Variants in FUT8 observed in about 807,000 individuals in gnomAD.
FUT8 encodes the protein fucosyltransferase 8.
Under a neutral mutation model 71.3 loss-of-function variants are expected in FUT8, and 29 were observed. That is an observed-to-expected ratio of 0.41 (90% CI 0.30 to 0.55). FUT8 has a LOEUF of 0.55. Ranked by LOEUF, FUT8 falls within the 20% of genes least tolerant of loss-of-function variation. FUT8 has a pLI of 0.34. For synonymous variants in FUT8, 254 were observed against 239.3 expected (o/e 1.06, Z -0.57); for missense variants, 544 against 702.1 (o/e 0.77, Z 2.55).
chr14:65,421,437 T>G (rs571669558), intron 1 of FUT8, among the ~76,000 whole-genome samples: 6 of 152,178 alleles, frequency 3.9e-5, no homozygotes, highest in African/African-American at 1.4e-4. Context: ...TACTTCTGCC[T>G]TTTTTGCTTT....
chr14:65,469,929 G>A (rs1288979557), intron 2 of FUT8, among the ~76,000 whole-genome samples: 1 of 152,204 alleles, frequency 6.6e-6, no homozygotes, highest in Non-Finnish European at 1.5e-5. Flanking sequence ...CTGCGGGACT[G>A]GCAGCCCGGT....
intron 1 of FUT8, among the ~76,000 whole-genome samples, chr14:65,440,749 A>G (rs906416312): frequency 5.3e-5 from 8 of 152,108 alleles, no homozygotes; most frequent in African/African-American, 9.7e-5. Context: ...TGAGACATCT[A>G]TAGTTGGTAT....
intron 9 of FUT8, among the ~76,000 whole-genome samples, chr14:65,730,420 T>TC (rs1895919124): frequency 6.6e-6 from 1 of 152,212 alleles, no homozygotes; most frequent in Non-Finnish European, 1.5e-5. Flanking sequence ...ACGATTGTAA[T>TC]CCCAGCACTT....
chr14:65,718,099 A>G (rs755699241), intron 7 of FUT8, among the ~76,000 whole-genome samples: 5 of 151,580 alleles, frequency 3.3e-5, no homozygotes, highest in Non-Finnish European at 7.4e-5. Context: ...TACTCCTGCC[A>G]TTTTGTTATT....
At chr14:65,448,593 T>G (rs950444391) in intron 1 of FUT8, among the ~76,000 whole-genome samples, 9 of 152,188 alleles carry the variant, frequency 5.9e-5, no homozygotes, top group Admixed American at 2.6e-4. Context: ...GTTAAGGTAG[T>G]GTGCTAGAAA....
the FUT8 span, among the ~76,000 whole-genome samples, chr14:65,375,255 C>T: frequency 6.6e-6 from 1 of 152,042 alleles, no homozygotes; most frequent in Non-Finnish European, 1.5e-5. Context: ...AGTTGCCACA[C>T]GTGGCAAATA....
chr14:65,546,583 G>A (rs78072513), intron 2 of FUT8, among the ~76,000 whole-genome samples: 1 of 151,648 alleles, frequency 6.6e-6, no homozygotes, highest in African/African-American at 2.4e-5. Flanking sequence ...GAAGATGCCT[G>A]GATTGTTCCA....
intron 2 of FUT8, among the ~76,000 whole-genome samples, chr14:65,534,754 A>G (rs550510844): frequency 2.6e-5 from 4 of 151,428 alleles, no homozygotes; most frequent in African/African-American, 7.2e-5. Context: ...TTTCTGTCCA[A>G]TCTGTAATAA....
chr14:65,585,227 C>G (rs1014357602), intron 3 of FUT8, among the ~76,000 whole-genome samples: 3 of 152,042 alleles, frequency 2.0e-5, no homozygotes, highest in African/African-American at 4.8e-5. Context: ...GGGTTTCACT[C>G]TGCTGTCCAG....
the FUT8 span, among the ~76,000 whole-genome samples, chr14:65,369,154 G>A: frequency 6.6e-6 from 1 of 152,196 alleles, no homozygotes; most frequent in Non-Finnish European, 1.5e-5. The surrounding 1 kb of genome is among the most constrained non-coding windows in gnomAD (Gnocchi z 4.6). Flanking sequence ...AACCACATGC[G>A]GCAAGTGGCT....
At chr14:65,586,336 A>G (rs962241948) in intron 3 of FUT8, among the ~76,000 whole-genome samples, 2 of 152,236 alleles carry the variant, frequency 1.3e-5, no homozygotes, top group African/African-American at 4.8e-5. Flanking sequence ...AGAAAATGTG[A>G]TCTAGGAATG....
chr14:65,514,387 G>T (rs1423918457), intron 2 of FUT8, among the ~76,000 whole-genome samples: 1 of 152,200 alleles, frequency 6.6e-6, no homozygotes, highest in Non-Finnish European at 1.5e-5. Flanking sequence ...AGATTGGTTG[G>T]GCAGTGTGTC....
intron 2 of FUT8, chr14:65,457,973 G>A (rs1319505151): frequency 6.6e-6 from 1 of 152,032 alleles, no homozygotes; most frequent in African/African-American, 2.4e-5. Flanking sequence ...ACGAGGTCAG[G>A]AGATCGAGAC....
chr14:65,653,957 C>T (rs10143206), intron 6 of FUT8, among the ~76,000 whole-genome samples: 105,062 of 152,046 alleles, frequency 0.69, 36,568 homozygotes, highest in East Asian at 0.89. Flanking sequence ...AGCAGACTTG[C>T]GTAAAAAAGG....
chr14:65,549,434 T>C (rs1408847606), intron 2 of FUT8, among the ~76,000 whole-genome samples: 1 of 152,134 alleles, frequency 6.6e-6, no homozygotes, highest in South Asian at 2.1e-4. Context: ...CCCAATCTTG[T>C]GGCTGTTTTA....
chr14:65,378,156 G>A, the FUT8 span, among the ~76,000 whole-genome samples: 1 of 152,124 alleles, frequency 6.6e-6, no homozygotes, highest in Non-Finnish European at 1.5e-5. Context: ...GGAGCCAGCT[G>A]TATGAAAGAG....
the FUT8 span, among the ~76,000 whole-genome samples, chr14:65,371,798 C>T: frequency 6.6e-5 from 10 of 152,174 alleles, no homozygotes; most frequent in East Asian, 1.7e-3. Flanking sequence ...TCCGAAGAGC[C>T]CTAGTGAACA....
rs1483006168 is a variant in FUT8 at position 65,617,237 on chromosome 14, A to AT, written c.482+868dup. The AT allele has an allele frequency of 2.0e-6, 3 of 1,465,878 alleles. No individual in the cohort carries two copies. In the African/African-American group the frequency reaches 4.4e-5, roughly 21 times the overall value. 90.8% of individuals were successfully genotyped at this position (1,465,878 alleles called of 1,614,324 possible). A position where few individuals can be genotyped will look rare whatever the true frequency, so the allele number is the denominator to read the frequency against. ...TAACATCAGCAGCAATATTATAATGATTTTGAAAAATTGCTTGGTTGTTTT... is the reference window on the plus strand; with the variant it reads ...TAACATCAGCAGCAATATTATAATGATTTTTGAAAAATTGCTTGGTTGTTTT... On this transcript the variant is annotated intron_variant, in intron 5 of 10. Coordinates refer to ENST00000673929, the MANE Select transcript of FUT8 (RefSeq NM_001371533.1).
intron 7 of FUT8, among the ~76,000 whole-genome samples, chr14:65,692,132 G>A (rs1019778538): frequency 2.6e-5 from 4 of 152,068 alleles, no homozygotes; most frequent in Non-Finnish European, 4.4e-5. Context: ...CTCCCAGACC[G>A]GGTGGTGGCC....
Sources: allele counts gnomAD v4.1 joint callset (sites outside exome capture counted in the v4.1 genomes callset), GRCh38; gene constraint gnomAD v4.1.1; non-coding constraint Gnocchi (gnomAD v3.1); transcripts MANE v1.5; gene names NCBI Gene and HGNC (gene_info 2026-07-23, HGNC 2026-07-21).